Variants in PIP5K1A observed in about 807,000 individuals in gnomAD.
The protein encoded by PIP5K1A is phosphatidylinositol 4-phosphate 5-kinase type-1 alpha.
PIP5K1A carries 46 observed loss-of-function variants against 72.9 expected under a neutral mutation model. The ratio of observed to expected loss-of-function variants is 0.63; its 90% CI spans 0.50 to 0.81. PIP5K1A has a LOEUF of 0.81. Ranked by LOEUF, PIP5K1A falls within the 30% of genes least tolerant of loss-of-function variation. The pLI, the probability that PIP5K1A is intolerant of heterozygous loss-of-function variation, is 0.00. For missense variants in PIP5K1A, 458 were observed against 706.1 expected, an observed-to-expected ratio of 0.65 and a Z score of 3.98; for synonymous variants, 228 against 255.1, an observed-to-expected ratio of 0.89 and a Z score of 1.01.
intron 1 of PIP5K1A, chr1:151,215,982 G>A (rs1687534549): frequency 2.3e-6 from 3 of 1,302,544 alleles, no homozygotes; most frequent in Non-Finnish European, 3.0e-6. Flanking sequence ...TCTGTGCTGT[G>A]GGGTCAGTGG....
At chr1:151,212,900 C>CT (rs1687037862) in intron 1 of PIP5K1A, among the ~76,000 whole-genome samples, 1 of 81,678 alleles carries the variant, frequency 1.2e-5, no homozygotes, top group Non-Finnish European at 2.5e-5. Flanking sequence ...TTTTTTTTTT[C>CT]TTTTTTTTGA....
chr1:151,216,027 A>G, intron 1 of PIP5K1A: 2 of 1,217,172 alleles, frequency 1.6e-6, no homozygotes, highest in Non-Finnish European at 2.2e-6. Flanking sequence ...TCTGTGCTAA[A>G]GAAGCATGAG....
chr1:151,240,129 G>C, intron 12 of PIP5K1A, 90 bp downstream of exon 12: 184 of 868,538 alleles, frequency 2.1e-4, no homozygotes, highest in East Asian at 4.9e-5. Flanking sequence ...CTGGTAGGGA[G>C]CTGCCAATGC....
At chr1:151,236,821 CT>C (rs369523470) in intron 9 of PIP5K1A, 58 bp downstream of exon 9, 43,748 of 487,006 alleles carry the variant, frequency 0.09, 8 homozygotes, top group East Asian at 0.11. Context: ...CTTTTCTTTT[CT>C]TTTTTTTTTT....
chr1:151,236,902 A>T, intron 9 of PIP5K1A, 139 bp downstream of exon 9: 1 of 624,312 alleles, frequency 1.6e-6, no homozygotes, highest in Non-Finnish European at 2.7e-6. Flanking sequence ...ATCTCAGCCT[A>T]CTACTACCTC....
chr1:151,232,740 C>A, intron 7 of PIP5K1A, 37 bp downstream of exon 7: 1 of 1,585,800 alleles, frequency 6.3e-7, no homozygotes, highest in Non-Finnish European at 8.6e-7. Context: ...CTGTGCTGCT[C>A]ACTTCTGGGC....
At chr1:151,220,870 A>G (rs1286803559) in intron 1 of PIP5K1A, among the ~76,000 whole-genome samples, 1 of 152,164 alleles carries the variant, frequency 6.6e-6, no homozygotes, top group African/African-American at 2.4e-5. Context: ...CCCAGTCCTC[A>G]TGGGATTTCA....
chr1:151,232,615 ATG>A lies in PIP5K1A; in HGVS notation c.555_556del (p.Ser186GlnfsTer4). 6.2e-7 allele frequency: 1 copy of A among 1,611,458 alleles called. No individual in the cohort carries two copies. Among genetic ancestry groups the A allele is most frequent in the Non-Finnish European group, 8.5e-7 (1 of 1,179,254 alleles). On this transcript the variant is annotated frameshift_variant, in exon 7 of 16. Transcript: ENST00000368888. LOFTEE classifies it high-confidence loss of function. ...TCTGGAGCTAGTGGTTCCCTATTCTATGTGTCCAGCGACGATGAGTTCATTAT... is the reference window on the plus strand; with the variant it reads ...TCTGGAGCTAGTGGTTCCCTATTCTATGTCCAGCGACGATGAGTTCATTAT...
At chr1:151,218,495 T>C (rs1177820185) in intron 1 of PIP5K1A, among the ~76,000 whole-genome samples, 1 of 152,176 alleles carries the variant, frequency 6.6e-6, no homozygotes, top group African/African-American at 2.4e-5. Flanking sequence ...TCTAGTTCCA[T>C]TGGTGCTTTC....
At position 151,198,615 on chromosome 1, in the gene PIP5K1A, G is replaced by C. The variant is rs74571004; in HGVS notation, c.-382G>C. ...TGGGCGATTAACAGGCCGTGGTTAGGAAGGACGGAGAAGGGGCGTTCGCTC... is the reference window on the plus strand; with the variant it reads ...TGGGCGATTAACAGGCCGTGGTTAGCAAGGACGGAGAAGGGGCGTTCGCTC... On this transcript the variant is annotated 5_prime_UTR_variant, in exon 1 of 16. Transcript: ENST00000368888. The C allele has an allele frequency of 0.011, 2,409 of 227,922 alleles. 67 individuals carry two copies. Among genetic ancestry groups the C allele is most frequent in the African/African-American group, 0.052 (2,262 of 43,888 alleles). The allele number at this position is 227,922 out of a possible 1,614,324, so 14.1% of individuals were successfully genotyped here. A position where few individuals can be genotyped will look rare whatever the true frequency, so the allele number is the denominator to read the frequency against.
intron 1 of PIP5K1A, 161 bp downstream of exon 1, chr1:151,199,242 T>C: frequency 7.3e-7 from 1 of 1,365,548 alleles, no homozygotes; most frequent in Non-Finnish European, 9.8e-7. Context: ...GGCAGGAGTT[T>C]GAGGAAAGGA....
At chr1:151,241,014 A>C (rs749248357) in intron 12 of PIP5K1A, among the ~76,000 whole-genome samples, 7 of 151,980 alleles carry the variant, frequency 4.6e-5, no homozygotes, top group Non-Finnish European at 8.8e-5. Context: ...AAAATACTAA[A>C]ATTAGCCGGG....
chr1:151,214,362 G>GT (rs973550275), intron 1 of PIP5K1A, among the ~76,000 whole-genome samples: 7 of 151,390 alleles, frequency 4.6e-5, no homozygotes, highest in Admixed American at 6.6e-5. Flanking sequence ...GTTTTTTTCT[G>GT]TTTTTTTGTT....
At chr1:151,226,451 C>T (rs1247120917) in intron 3 of PIP5K1A, among the ~76,000 whole-genome samples, 2 of 152,082 alleles carry the variant, frequency 1.3e-5, no homozygotes, top group Non-Finnish European at 2.9e-5. Flanking sequence ...GTGCCTCACA[C>T]CTATAATCCC....
At chr1:151,203,550 G>A (rs1239149326) in intron 1 of PIP5K1A, among the ~76,000 whole-genome samples, 1 of 151,008 alleles carries the variant, frequency 6.6e-6, no homozygotes, top group Non-Finnish European at 1.5e-5. Context: ...AAAAGGCCAG[G>A]AGCAGTAGCT....
At chr1:151,206,900 T>A (rs1686013898) in intron 1 of PIP5K1A, among the ~76,000 whole-genome samples, 1 of 152,000 alleles carries the variant, frequency 6.6e-6, no homozygotes, top group African/African-American at 2.4e-5. Context: ...GGTTTCGCCA[T>A]GTTCGCCAGG....
At chr1:151,222,969 A>G (rs1436741658) in intron 1 of PIP5K1A, among the ~76,000 whole-genome samples, 1 of 150,610 alleles carries the variant, frequency 6.6e-6, no homozygotes, top group Non-Finnish European at 1.5e-5. Context: ...TAATCCCATC[A>G]CTTTGGGAGG....
At chr1:151,224,013 T>C in intron 1 of PIP5K1A, 1 of 561,708 alleles carries the variant, frequency 1.8e-6, no homozygotes, top group South Asian at 2.5e-5. Context: ...TATGGATATT[T>C]GAATAAGAAA....
chr1:151,207,466 C>T (rs2101977114), intron 1 of PIP5K1A, among the ~76,000 whole-genome samples: 1 of 151,910 alleles, frequency 6.6e-6, no homozygotes, highest in East Asian at 1.9e-4. Context: ...AATTTAACTC[C>T]CTCATTTTCC....
Sources: gnomAD v4.1 joint callset for allele counts (sites outside exome capture counted in the v4.1 genomes callset) on GRCh38, gnomAD v4.1.1 for gene constraint, MANE v1.5 for transcripts, NCBI Gene and HGNC (gene_info 2026-07-23, HGNC 2026-07-21) for gene names.